STXBP5L: variants seen among roughly 807,000 people sequenced by gnomAD.
STXBP5L encodes the protein syntaxin-binding protein 5-like.
Under a neutral mutation model 144.5 loss-of-function variants are expected in STXBP5L, and 65 were observed. The ratio of observed to expected loss-of-function variants is 0.45; its 90% CI spans 0.37 to 0.55. The LOEUF (loss-of-function observed/expected upper bound fraction) is 0.55. Ranked by LOEUF, STXBP5L falls within the 20% of genes least tolerant of loss-of-function variation. The probability of loss-of-function intolerance (pLI) is 0.00; values close to 1 mark genes in which losing one functional copy is unlikely to be tolerated. For missense variants in STXBP5L, 1,298 were observed against 1,405.5 expected, an observed-to-expected ratio of 0.92 and a Z score of 1.22; for synonymous variants, 505 against 469.6, an observed-to-expected ratio of 1.08 and a Z score of -0.97.
intron 16 of STXBP5L, 89 bp downstream of exon 16, chr3:121,255,201 A>G: frequency 2.0e-6 from 2 of 993,308 alleles, no homozygotes; most frequent in South Asian, 3.7e-5. Flanking sequence ...TATGGTTTCC[A>G]TGAAGTGTGC....
intron 5 of STXBP5L, among the ~76,000 whole-genome samples, chr3:121,081,605 T>C (rs2042252055): frequency 6.6e-6 from 1 of 152,230 alleles, no homozygotes; most frequent in African/African-American, 2.4e-5. Flanking sequence ...TCTTGTTCTC[T>C]CATAGTGTAT....
At chr3:121,076,539 T>C (rs1433479032) in intron 5 of STXBP5L, among the ~76,000 whole-genome samples, 6 of 152,106 alleles carry the variant, frequency 3.9e-5, no homozygotes, top group Non-Finnish European at 2.9e-5. Context: ...TCAGGGCAGG[T>C]CTGAATTACA....
At chr3:121,198,049 T>C (rs1163345806) in intron 9 of STXBP5L, among the ~76,000 whole-genome samples, 1 of 152,224 alleles carries the variant, frequency 6.6e-6, no homozygotes, top group African/African-American at 2.4e-5. Flanking sequence ...TTTCCGGTTC[T>C]AGATCCTTGA....
At chr3:121,091,513 A>G (rs1436896899) in intron 5 of STXBP5L, among the ~76,000 whole-genome samples, 1 of 152,110 alleles carries the variant, frequency 6.6e-6, no homozygotes, top group Non-Finnish European at 1.5e-5. Flanking sequence ...TTTGATTTGC[A>G]TTTCTCTGAT....
rs551537500 is a variant in STXBP5L at position 120,959,736 on chromosome 3, C to A, written c.287+4699C>A. Among the ~76,000 whole-genome samples, 4 of 152,252 alleles carry A rather than the reference C, an allele frequency of 2.6e-5. No individual in the cohort carries two copies. In the South Asian group the frequency reaches 8.3e-4, roughly 32 times the overall value. On this transcript the variant is annotated intron_variant, in intron 3 of 26. Transcript: ENST00000471454. ...GCTGAAACTGGATCCCTTCCTTACA[C>A]CTTATACAAAAATTAATTCAAGATG...
intron 3 of STXBP5L, among the ~76,000 whole-genome samples, chr3:121,008,377 T>A (rs1383973051): frequency 1.3e-5 from 2 of 151,970 alleles, no homozygotes; most frequent in Non-Finnish European, 2.9e-5. Context: ...AAGCATTCCC[T>A]CCCCTGGAAC....
chr3:121,038,489 GC>G (rs1434524293), intron 3 of STXBP5L, among the ~76,000 whole-genome samples: 1 of 151,778 alleles, frequency 6.6e-6, no homozygotes, highest in African/African-American at 2.4e-5. Context: ...ACTTTTAAAT[GC>G]TTTGATACTT....
intron 3 of STXBP5L, among the ~76,000 whole-genome samples, chr3:121,029,606 A>C (rs1183197831): frequency 6.6e-6 from 1 of 152,162 alleles, no homozygotes; most frequent in Non-Finnish European, 1.5e-5. Context: ...AATACCATTC[A>C]GGACATAGGC....
rs537536159 is a variant in STXBP5L, at chr3:121,322,192, T to G, written c.2176+3652T>G. ...ATCCATGTTGCTTTAAAGGACATGA[T>G]TTTTGGCTGGGCGCCGTGGCTCACG... On this transcript the variant is annotated intron_variant, in intron 20 of 26. Transcript: ENST00000471454. Among the ~76,000 whole-genome samples, 3 of 152,260 alleles carry G rather than the reference T, an allele frequency of 2.0e-5. No homozygotes were observed. In the South Asian group the frequency reaches 6.2e-4, roughly 32 times the overall value.
At chr3:121,018,982 C>G (rs1050053473) in intron 3 of STXBP5L, among the ~76,000 whole-genome samples, 1 of 152,224 alleles carries the variant, frequency 6.6e-6, no homozygotes, top group African/African-American at 2.4e-5. Context: ...GGCAGATTCT[C>G]AGCCCTGCTC....
At chr3:120,936,258 T>C (rs561748297) in intron 2 of STXBP5L, among the ~76,000 whole-genome samples, 6 of 152,294 alleles carry the variant, frequency 3.9e-5, no homozygotes, top group East Asian at 1.9e-4. Context: ...TTACATGGTA[T>C]CCACTGTTTT....
intron 3 of STXBP5L, among the ~76,000 whole-genome samples, chr3:120,976,718 G>T (rs765943297): frequency 2.6e-5 from 4 of 152,198 alleles, no homozygotes; most frequent in Non-Finnish European, 5.9e-5. Context: ...TGCTTTGAAT[G>T]TGTCCCAGTG....
At chr3:121,142,883 A>G (rs191647763) in intron 7 of STXBP5L, among the ~76,000 whole-genome samples, 4 of 151,972 alleles carry the variant, frequency 2.6e-5, no homozygotes, top group Non-Finnish European at 3.0e-5. Context: ...GGAAATAAAC[A>G]TTAGAGGAGA....
intron 5 of STXBP5L, among the ~76,000 whole-genome samples, chr3:121,104,917 A>G (rs1451609385): frequency 1.3e-5 from 2 of 152,246 alleles, no homozygotes; most frequent in Admixed American, 6.5e-5. Flanking sequence ...TCTGCACAGC[A>G]AAAGAAAAAA....
chr3:121,397,379 A>G (rs1304293760), intron 22 of STXBP5L, among the ~76,000 whole-genome samples: 1 of 152,204 alleles, frequency 6.6e-6, no homozygotes, highest in Non-Finnish European at 1.5e-5. Flanking sequence ...AAAACTGCAG[A>G]ATTCCAAGGC....
chr3:121,156,584 C>T (rs1263106257), intron 8 of STXBP5L, among the ~76,000 whole-genome samples: 2 of 151,846 alleles, frequency 1.3e-5, no homozygotes, highest in Admixed American at 1.3e-4. Context: ...TTATTGAGTA[C>T]TTACTTTATG....
At chr3:121,283,896 TGTG>T (rs1559934626) in intron 19 of STXBP5L, among the ~76,000 whole-genome samples, 3,553 of 99,680 alleles carry the variant, frequency 0.036, 43 homozygotes, top group Admixed American at 0.052. Context: ...TGTGTGTGCT[TGTG>T]TGTGTGTGTG....
Position 121,301,174 on chromosome 3 carries a change from C to T in STXBP5L, c.2111-17301C>T, listed in dbSNP as rs1447770965. On this transcript the variant is annotated intron_variant, in intron 19 of 26. Transcript: ENST00000471454. Reference sequence around the variant, plus strand: ...TTTCACGATATTGATTCTTCCTACCCATGAGCATGGAATGTTCTTCCATTT... The same window carrying T: ...TTTCACGATATTGATTCTTCCTACCTATGAGCATGGAATGTTCTTCCATTT... 2.6e-5 allele frequency among the ~76,000 whole-genome samples: 4 copies of T among 152,164 alleles called. No individual in the cohort carries two copies. In the East Asian group the frequency reaches 7.7e-4, roughly 29 times the overall value.
intron 7 of STXBP5L, among the ~76,000 whole-genome samples, chr3:121,146,658 T>C (rs990321145): frequency 6.6e-6 from 1 of 152,116 alleles, no homozygotes; most frequent in Non-Finnish European, 1.5e-5. Flanking sequence ...GGATATAGTA[T>C]GTAAACCATA....
Sources: gnomAD v4.1 joint callset for allele counts (sites outside exome capture counted in the v4.1 genomes callset) on GRCh38, gnomAD v4.1.1 for gene constraint, MANE v1.5 for transcripts, NCBI Gene and HGNC (gene_info 2026-07-23, HGNC 2026-07-21) for gene names.